USP10: variants seen among roughly 807,000 people sequenced by gnomAD.
The protein encoded by USP10 is ubiquitin specific peptidase 10.
A neutral mutation model predicts 84.5 loss-of-function variants in USP10; 22 were observed. That is an observed-to-expected ratio of 0.26 (90% CI 0.19 to 0.37). The LOEUF (loss-of-function observed/expected upper bound fraction) is 0.37. Among genes scored for constraint, USP10 ranks in the 10% least tolerant of loss-of-function variants. USP10 has a pLI of 1.00. For missense variants in USP10, 1,019 were observed against 998.9 expected (o/e 1.02, Z -0.27); for synonymous variants, 454 against 387.6 (o/e 1.17, Z -2.01).
At chr16:84,765,542 C>T (rs1467193474) in intron 10 of USP10, among the ~76,000 whole-genome samples, 2 of 149,166 alleles carry the variant, frequency 1.3e-5, no homozygotes, top group East Asian at 2.0e-4. Context: ...CTTTCTGTGT[C>T]TGACTTCTTT....
intron 1 of USP10, among the ~76,000 whole-genome samples, chr16:84,715,117 A>T (rs748943886): frequency 1.3e-4 from 19 of 151,978 alleles, no homozygotes; most frequent in Non-Finnish European, 2.5e-4. Flanking sequence ...TTTAGTAGAG[A>T]TGGGGTTTCA....
At chr16:84,712,066 G>C (rs1407604063) in intron 1 of USP10, among the ~76,000 whole-genome samples, 1 of 152,128 alleles carries the variant, frequency 6.6e-6, no homozygotes, top group African/African-American at 2.4e-5. Flanking sequence ...GCTGTGCTTC[G>C]TTGCCCTTGC....
intron 13 of USP10, 121 bp from the exon 14 acceptor site, chr16:84,778,774 C>A: frequency 1.1e-6 from 1 of 931,422 alleles, no homozygotes; most frequent in South Asian, 1.8e-5. Flanking sequence ...CTCTCTGTCC[C>A]ACCTGCTTTG....
At chr16:84,748,439 G>A (rs1267321183) in intron 4 of USP10, among the ~76,000 whole-genome samples, 1 of 151,882 alleles carries the variant, frequency 6.6e-6, no homozygotes, top group Non-Finnish European at 1.5e-5. Flanking sequence ...TAGTAGCTGG[G>A]ACTACAGGTG....
intron 4 of USP10, among the ~76,000 whole-genome samples, chr16:84,757,197 A>T (rs1212616912): frequency 6.6e-6 from 1 of 152,088 alleles, no homozygotes; most frequent in Non-Finnish European, 1.5e-5. Context: ...CTGATCCATT[A>T]TTCATTTATT....
At position 84,775,147 on chromosome 16, in the gene USP10, T is replaced by C. The variant is rs765393693; in HGVS notation, c.2144-13T>C. ...CTAAAAGTGCTTCAAGCCATTGATA[T>C]TTTGTTTTCCAGAACTGCTTTCTCC... On this transcript the variant is annotated splice_polypyrimidine_tract_variant and intron_variant, in intron 12 of 13. Coordinates refer to ENST00000219473, the MANE Select transcript of USP10 (RefSeq NM_005153.3). 8 of 1,613,314 alleles carry C rather than the reference T, an allele frequency of 5.0e-6. No individual in the cohort carries two copies. The highest frequency in any genetic ancestry group is 2.7e-5 in the African/African-American group (2 of 74,920).
intron 4 of USP10, among the ~76,000 whole-genome samples, chr16:84,752,200 T>A (rs1271890693): frequency 6.6e-6 from 1 of 152,208 alleles, no homozygotes; most frequent in African/African-American, 2.4e-5. Flanking sequence ...TCTCACACAT[T>A]GTTCTAGGCA....
At position 84,745,359 on chromosome 16, in the gene USP10, C is replaced by T. The variant is rs778162907; in HGVS notation, c.878C>T (p.Ser293Leu). 1.6e-5 allele frequency: 26 copies of T among 1,613,090 alleles called. No homozygotes were observed. Among genetic ancestry groups the T allele is most frequent in the African/African-American group, 4.0e-5 (3 of 74,914 alleles). ...GVANGQILESSGEGTATNGVE... is the reference protein window; with the variant it reads ...GVANGQILESLGEGTATNGVE... ...GCTAATGGACAAATACTTGAATCCT[C>T]GGGTGAGGGCACAGCTACCAACGGG... Residue 293 changes from serine (S) to leucine (L), a missense_variant, in exon 4 of 14, where the codon TCG (serine) becomes TTG (leucine). Coordinates refer to ENST00000219473, the MANE Select transcript of USP10 (RefSeq NM_005153.3).
At chr16:84,760,095 G>C (rs1337573378) in intron 7 of USP10, 77 bp from the exon 8 acceptor site, 1 of 1,528,294 alleles carries the variant, frequency 6.5e-7, no homozygotes, top group African/African-American at 1.4e-5. Context: ...AGGTGGGGGA[G>C]TTTTGATGAT....
At chr16:84,734,329 A>G (rs542279755) in intron 2 of USP10, among the ~76,000 whole-genome samples, 3 of 152,288 alleles carry the variant, frequency 2.0e-5, no homozygotes, top group South Asian at 2.1e-4. Flanking sequence ...TGATGTGTGT[A>G]GTAAATGGAC....
chr16:84,759,333 C>T, intron 5 of USP10, 30 bp from the exon 6 acceptor site: 2 of 1,600,082 alleles, frequency 1.2e-6, no homozygotes, highest in Non-Finnish European at 1.7e-6. Flanking sequence ...CTGTTCATTT[C>T]CTTTACGCTT....
At chr16:84,767,614 C>G (rs1436793253) in intron 10 of USP10, among the ~76,000 whole-genome samples, 1 of 152,058 alleles carries the variant, frequency 6.6e-6, no homozygotes, top group Non-Finnish European at 1.5e-5. Flanking sequence ...GGGTGGCTGC[C>G]TTTATGAACC....
At chr16:84,703,410 C>G (rs556979083) in intron 1 of USP10, among the ~76,000 whole-genome samples, 1 of 152,180 alleles carries the variant, frequency 6.6e-6, no homozygotes, top group Non-Finnish European at 1.5e-5. Flanking sequence ...TAGACTCACC[C>G]CAGTCTCTTT....
At position 84,779,151 on chromosome 16, in the gene USP10, C is replaced by T; in HGVS notation, c.*69C>T. On this transcript the variant is annotated 3_prime_UTR_variant, in exon 14 of 14. Transcript: ENST00000219473. ...ACACCACCTCACACTCACTTCCCGCCTCTCTTTAGTGGCTCTTTAGAGAGA... is the reference window on the plus strand; with the variant it reads ...ACACCACCTCACACTCACTTCCCGCTTCTCTTTAGTGGCTCTTTAGAGAGA... 2 of 1,537,136 alleles carry T rather than the reference C, an allele frequency of 1.3e-6. No individual in the cohort carries two copies. Among genetic ancestry groups the T allele is most frequent in the Non-Finnish European group, 8.8e-7 (1 of 1,131,772 alleles).
chr16:84,724,796 G>A (rs772233057), intron 1 of USP10, among the ~76,000 whole-genome samples: 3 of 152,146 alleles, frequency 2.0e-5, no homozygotes, highest in Non-Finnish European at 4.4e-5. Context: ...TTGATGCTCA[G>A]TGCATATTGT....
At chr16:84,740,068 G>C (rs950419152) in intron 2 of USP10, among the ~76,000 whole-genome samples, 3 of 152,128 alleles carry the variant, frequency 2.0e-5, no homozygotes, top group Non-Finnish European at 2.9e-5. Flanking sequence ...ATTCCTTTTG[G>C]CTTCATTTTC....
At chr16:84,738,744 T>A (rs1334273149) in intron 2 of USP10, among the ~76,000 whole-genome samples, 2 of 152,248 alleles carry the variant, frequency 1.3e-5, no homozygotes, top group African/African-American at 4.8e-5. Context: ...TTTGTCATAA[T>A]TCTCTGGGAA....
intron 11 of USP10, among the ~76,000 whole-genome samples, chr16:84,769,338 A>G (rs1208411449): frequency 6.6e-6 from 1 of 152,130 alleles, no homozygotes; most frequent in Non-Finnish European, 1.5e-5. Context: ...CCTGCTGTGG[A>G]CTGGTTCACC....
chr16:84,701,761 C>G (rs986958909), intron 1 of USP10, among the ~76,000 whole-genome samples: 2 of 152,086 alleles, frequency 1.3e-5, no homozygotes, highest in Non-Finnish European at 2.9e-5. Context: ...ACGTTTTATA[C>G]AACAGTCTAA....
Sources: allele counts gnomAD v4.1 joint callset (sites outside exome capture counted in the v4.1 genomes callset), GRCh38; gene constraint gnomAD v4.1.1; transcripts MANE v1.5; gene names NCBI Gene and HGNC (gene_info 2026-07-23, HGNC 2026-07-21).